PHACTR1: variants seen among roughly 807,000 people sequenced by gnomAD.
PHACTR1 encodes RPEL repeat containing 1.
PHACTR1 carries 16 observed loss-of-function variants against 69.2 expected under a neutral mutation model. The ratio of observed to expected loss-of-function variants is 0.23; its 90% CI spans 0.16 to 0.35. The LOEUF is 0.35. Among genes scored for constraint, PHACTR1 ranks in the 10% least tolerant of loss-of-function variants. PHACTR1 has a pLI of 1.00. For synonymous variants in PHACTR1, 312 were observed against 284.5 expected (o/e 1.10, Z -0.97); for missense variants, 510 against 734.7 (o/e 0.69, Z 3.54).
intron 4 of PHACTR1, among the ~76,000 whole-genome samples, chr6:12,877,764 T>G (rs766824969): frequency 1.3e-4 from 20 of 152,124 alleles, no homozygotes; most frequent in Non-Finnish European, 2.8e-4. Context: ...TTTCTCTAAT[T>G]CCCCCAAGAT....
intron 4 of PHACTR1, among the ~76,000 whole-genome samples, chr6:13,008,484 C>T (rs1186302551): frequency 1.3e-5 from 2 of 152,318 alleles, no homozygotes; most frequent in East Asian, 3.9e-4. Flanking sequence ...GATCACATCT[C>T]CTTGCTCGAA....
At chr6:13,190,383 T>A (rs1217587027) in intron 7 of PHACTR1, among the ~76,000 whole-genome samples, 2 of 152,108 alleles carry the variant, frequency 1.3e-5, no homozygotes, top group East Asian at 1.9e-4. Context: ...TAGGGTTCCA[T>A]CTTCATTGCC....
intron 5 of PHACTR1, among the ~76,000 whole-genome samples, chr6:13,097,223 G>A (rs971366788): frequency 3.3e-5 from 5 of 152,138 alleles, no homozygotes; most frequent in Non-Finnish European, 7.4e-5. Context: ...TCTTCAAATG[G>A]TCTACTGGTT....
chr6:12,892,434 C>T (rs962878395), intron 4 of PHACTR1, among the ~76,000 whole-genome samples: 8 of 152,120 alleles, frequency 5.3e-5, no homozygotes, highest in African/African-American at 1.9e-4. Context: ...GCATCTGGGT[C>T]TGTCAGAGGG....
chr6:12,839,944 G>C (rs1778534691), intron 4 of PHACTR1, among the ~76,000 whole-genome samples: 1 of 152,062 alleles, frequency 6.6e-6, no homozygotes, highest in Non-Finnish European at 1.5e-5. Context: ...TTTATTCAGA[G>C]AGTACTCCCA....
intron 7 of PHACTR1, among the ~76,000 whole-genome samples, chr6:13,202,523 G>A (rs1299243765): frequency 6.7e-6 from 1 of 150,088 alleles, no homozygotes; most frequent in Non-Finnish European, 1.5e-5. Context: ...ACTCGCCCAG[G>A]CTATAGTGCA....
intron 4 of PHACTR1, among the ~76,000 whole-genome samples, chr6:12,830,126 AAAG>A (rs1285953369): frequency 9.5e-4 from 125 of 131,486 alleles, no homozygotes; most frequent in Non-Finnish European, 1.6e-3. Flanking sequence ...AGAAAGAAAG[AAAG>A]AAAGAAAGAA....
intron 4 of PHACTR1, among the ~76,000 whole-genome samples, chr6:13,005,667 C>A (rs1262903596): frequency 6.6e-6 from 1 of 152,168 alleles, no homozygotes; most frequent in African/African-American, 2.4e-5. Context: ...TACAACCTGC[C>A]TTGTTAGAAG....
chr6:13,061,943 C>T (rs183263608), intron 5 of PHACTR1, among the ~76,000 whole-genome samples: 4 of 152,230 alleles, frequency 2.6e-5, no homozygotes, highest in Admixed American at 2.6e-4. Flanking sequence ...AGGAGACCCA[C>T]CTAATATAGG....
intron 7 of PHACTR1, among the ~76,000 whole-genome samples, chr6:13,196,148 C>T (rs1764376958): frequency 6.6e-6 from 1 of 152,180 alleles, no homozygotes; most frequent in South Asian, 2.1e-4. Context: ...GAGCAGCCAC[C>T]ATCATCATTA....
intron 4 of PHACTR1, among the ~76,000 whole-genome samples, chr6:12,766,235 C>T (rs186584481): frequency 2.7e-4 from 41 of 152,260 alleles, no homozygotes; most frequent in African/African-American, 8.7e-4. Flanking sequence ...TTGGATTAAA[C>T]GGAATTTTTC....
chr6:12,802,785 G>A (rs371666952), intron 4 of PHACTR1, among the ~76,000 whole-genome samples: 18 of 152,256 alleles, frequency 1.2e-4, no homozygotes, highest in African/African-American at 3.4e-4. Context: ...TCTAAGCTCA[G>A]TGTTTACGAT....
chr6:13,283,816 G>A lies in PHACTR1; in HGVS notation c.1650+254G>A. 1 of 513,918 alleles carries A rather than the reference G, an allele frequency of 1.9e-6. No individual in the cohort carries two copies. The highest frequency in any genetic ancestry group is 3.5e-6 in the Non-Finnish European group (1 of 285,924). 31.8% of individuals were successfully genotyped at this position (513,918 alleles called of 1,614,324 possible). On this transcript the variant is annotated intron_variant, in intron 13 of 14. Coordinates refer to ENST00000332995, the MANE Select transcript of PHACTR1 (RefSeq NM_030948.6). The surrounding 1 kb of genome is among the most constrained non-coding windows in gnomAD (Gnocchi z 4.7). Reference sequence around the variant, plus strand: ...AGGAGGAGCAGCAGCCTGGGAGGCTGTGCCCAGAGAAAGAGAATAGCACTG... The same window carrying A: ...AGGAGGAGCAGCAGCCTGGGAGGCTATGCCCAGAGAAAGAGAATAGCACTG...
intron 4 of PHACTR1, among the ~76,000 whole-genome samples, chr6:13,039,080 CA>C (rs1316638961): frequency 4.6e-5 from 7 of 152,110 alleles, no homozygotes; most frequent in Non-Finnish European, 7.4e-5. Context: ...TTTAGTAGGG[CA>C]AAAAATCAAG....
At chr6:13,055,637 A>G (rs1472939019) in intron 5 of PHACTR1, among the ~76,000 whole-genome samples, 1 of 152,248 alleles carries the variant, frequency 6.6e-6, no homozygotes. Flanking sequence ...TCTCTGAATG[A>G]TGGAGTGATG....
At chr6:12,961,127 T>C (rs2127567487) in intron 4 of PHACTR1, among the ~76,000 whole-genome samples, 1 of 152,294 alleles carries the variant, frequency 6.6e-6, no homozygotes, top group East Asian at 1.9e-4. Flanking sequence ...GGAAACTAAC[T>C]GGATAAAAAA....
intron 4 of PHACTR1, among the ~76,000 whole-genome samples, chr6:12,930,856 G>C (rs909228697): frequency 6.6e-5 from 10 of 152,032 alleles, no homozygotes; most frequent in African/African-American, 2.4e-4. Context: ...TTCGAGACCA[G>C]CCTGACCAAC....
rs913091913 is a variant in PHACTR1, at chr6:13,218,811, A to AAGG, written c.987-8990_987-8988dup. ...GAAGAAGGAGGAGGAGAAGAAGAAG[A>AAGG]AGGAGGAGGAGGAGGAGAAAAAGAG... On this transcript the variant is annotated intron_variant, in intron 8 of 14. Coordinates refer to ENST00000332995, the MANE Select transcript of PHACTR1 (RefSeq NM_030948.6). 3.7e-3 allele frequency among the ~76,000 whole-genome samples: 552 copies of AAGG among 149,320 alleles called. 6 individuals carry two copies. Among genetic ancestry groups the AAGG allele is most frequent in the African/African-American group, 0.013 (526 of 40,542 alleles).
chr6:12,887,122 C>A (rs1422090720), intron 4 of PHACTR1, among the ~76,000 whole-genome samples: 1 of 152,154 alleles, frequency 6.6e-6, no homozygotes, highest in Non-Finnish European at 1.5e-5. Flanking sequence ...AGTTGGCCAG[C>A]ACCAAGGGGC....
Sources: gnomAD v4.1 joint callset for allele counts (sites outside exome capture counted in the v4.1 genomes callset) on GRCh38, gnomAD v4.1.1 for gene constraint, Gnocchi (gnomAD v3.1) non-coding constraint, MANE v1.5 for transcripts, NCBI Gene and HGNC (gene_info 2026-07-23, HGNC 2026-07-21) for gene names.